The following LAMA2 variants were observed in gnomAD, a reference collection of about 807,000 sequenced individuals.
LAMA2 encodes laminin subunit alpha 2.
A neutral mutation model predicts 364.8 loss-of-function variants in LAMA2; 269 were observed. The observed-to-expected ratio is 0.74, with a 90% CI of 0.67 to 0.82. The LOEUF is 0.82. LAMA2 is among the 40% of genes least tolerant of loss of function. LAMA2 has a pLI of 0.00. For missense variants in LAMA2, 3,807 were observed against 3,873.2 expected (o/e 0.98, Z 0.45); for synonymous variants, 1,379 against 1,370.6 (o/e 1.01, Z -0.14).
chr6:129,237,659 C>A (rs114611648), intron 12 of LAMA2, among the ~76,000 whole-genome samples: 93 of 152,062 alleles, frequency 6.1e-4, no homozygotes, highest in African/African-American at 2.1e-3. Context: ...TCACATGCAC[C>A]CTTATAACTG....
chr6:129,209,899 G>A (rs1782972156), intron 12 of LAMA2, among the ~76,000 whole-genome samples: 1 of 150,984 alleles, frequency 6.6e-6, no homozygotes, highest in Non-Finnish European at 1.5e-5. Flanking sequence ...AGCTACTCGG[G>A]AGGCTGAGGC....
intron 12 of LAMA2, among the ~76,000 whole-genome samples, chr6:129,240,120 C>T (rs1490902237): frequency 1.3e-5 from 2 of 152,206 alleles, no homozygotes; most frequent in African/African-American, 4.8e-5. Flanking sequence ...TGTTCAAGGG[C>T]AGGAAGCATC....
chr6:129,481,606 C>T (rs1784353568), intron 55 of LAMA2, among the ~76,000 whole-genome samples, 167 bp downstream of exon 55: 1 of 152,190 alleles, frequency 6.6e-6, no homozygotes, highest in African/African-American at 2.4e-5. Flanking sequence ...CTCACATCAT[C>T]TCCCCAGGAC....
intron 12 of LAMA2, among the ~76,000 whole-genome samples, chr6:129,238,005 A>AC (rs1785114129): frequency 6.8e-6 from 1 of 148,122 alleles, no homozygotes; most frequent in Non-Finnish European, 1.5e-5. Context: ...TAAAAATACA[A>AC]AAAAAAAAAA....
At position 129,473,259 on chromosome 6, in the gene LAMA2, T is replaced by C. The variant is rs1156828795; in HGVS notation, c.7346T>C (p.Ile2449Thr). 6 of 1,607,626 alleles carry C rather than the reference T, an allele frequency of 3.7e-6. No individual in the cohort carries two copies. The highest frequency in any genetic ancestry group is 5.1e-6 in the Non-Finnish European group (6 of 1,174,734). Residue 2449 changes from isoleucine (I) to threonine (T), a missense_variant, in exon 52 of 65, where the codon ATA (isoleucine) becomes ACA (threonine). Transcript: ENST00000421865. ...ATAGATACTAATCAGGAGGAGAATA[T>C]AGCAACTTCGTCTTCTGGAAACAAC... is the stretch of plus-strand genomic sequence containing the variant. ...VDIDTNQEEN[I>T]ATSSSGNNFG...
At chr6:129,308,545 C>G (rs1774018912) in intron 22 of LAMA2, among the ~76,000 whole-genome samples, 1 of 151,934 alleles carries the variant, frequency 6.6e-6, no homozygotes, top group East Asian at 1.9e-4. Context: ...ACTCTGTTGA[C>G]TAAAGTTGAC....
At chr6:129,129,827 G>A (rs1163431758) in intron 4 of LAMA2, among the ~76,000 whole-genome samples, 2 of 149,900 alleles carry the variant, frequency 1.3e-5, no homozygotes, top group African/African-American at 4.9e-5. Context: ...GGGAGGCTGA[G>A]GCAGGAGAAT....
At chr6:128,931,677 T>G (rs1405869092) in intron 1 of LAMA2, among the ~76,000 whole-genome samples, 1 of 152,200 alleles carries the variant, frequency 6.6e-6, no homozygotes, top group Non-Finnish European at 1.5e-5. Flanking sequence ...CTAGTCATAG[T>G]CTTTCAAATA....
intron 1 of LAMA2, among the ~76,000 whole-genome samples, chr6:128,941,724 G>A (rs903959512): frequency 1.3e-5 from 2 of 152,144 alleles, no homozygotes; most frequent in Non-Finnish European, 2.9e-5. Context: ...ATATGATGAT[G>A]ATTTTCATTA....
intron 1 of LAMA2, among the ~76,000 whole-genome samples, chr6:129,039,119 C>A (rs150147627): frequency 6.6e-6 from 1 of 151,690 alleles, no homozygotes; most frequent in South Asian, 2.1e-4. Flanking sequence ...TGAGAGCCAC[C>A]GTAAAAAATA....
At chr6:129,222,904 T>C (rs1783966255) in intron 12 of LAMA2, among the ~76,000 whole-genome samples, 1 of 152,332 alleles carries the variant, frequency 6.6e-6, no homozygotes, top group African/African-American at 2.4e-5. Flanking sequence ...TCTAGATCCT[T>C]GAGGAATCGC....
chr6:129,273,049 A>T (rs1481805846), intron 17 of LAMA2, among the ~76,000 whole-genome samples: 1 of 152,188 alleles, frequency 6.6e-6, no homozygotes, highest in Non-Finnish European at 1.5e-5. Context: ...AAAACTGAAG[A>T]TTCTTTAACA....
intron 40 of LAMA2, among the ~76,000 whole-genome samples, chr6:129,416,429 A>G (rs550339749): frequency 6.6e-6 from 1 of 151,348 alleles, no homozygotes; most frequent in African/African-American, 2.4e-5. Context: ...TGCTTTCTCC[A>G]TGGGAAAGAT....
At chr6:129,477,673 AAAAAAT>A (rs1317734379) in intron 53 of LAMA2, among the ~76,000 whole-genome samples, 1 of 151,354 alleles carries the variant, frequency 6.6e-6, no homozygotes, top group East Asian at 1.9e-4. Flanking sequence ...AATTTTATTG[AAAAAAT>A]AAAATGTATG....
At chr6:129,044,181 TATATATATACACAC>T (rs1436715829) in intron 1 of LAMA2, among the ~76,000 whole-genome samples, 4 of 132,134 alleles carry the variant, frequency 3.0e-5, no homozygotes, top group African/African-American at 1.3e-4. Context: ...TGTGTATATA[TATATATATACACAC>T]ACATATACAT....
At chr6:129,250,078 A>G (rs775398131) in intron 12 of LAMA2, 34 bp from the exon 13 acceptor site, 7 of 1,236,946 alleles carry the variant, frequency 5.7e-6, no homozygotes, top group Non-Finnish European at 8.4e-6. Context: ...CCCATCTCCT[A>G]TCCCGTAATG....
chr6:129,416,239 C>T (rs199511740), intron 40 of LAMA2, among the ~76,000 whole-genome samples: 22 of 48,188 alleles, frequency 4.6e-4, no homozygotes, highest in South Asian at 7.0e-4. Context: ...CGCGCCCGGC[C>T]GAAATTATAC....
intron 22 of LAMA2, among the ~76,000 whole-genome samples, chr6:129,312,016 T>C (rs186771746): frequency 8.3e-4 from 119 of 142,992 alleles, no homozygotes; most frequent in African/African-American, 3.5e-3. Context: ...TTAAGAATTA[T>C]AGATGATCCT....
intron 9 of LAMA2, among the ~76,000 whole-genome samples, chr6:129,172,779 T>C (rs374543931): frequency 1.1e-4 from 17 of 152,286 alleles, no homozygotes; most frequent in Middle Eastern, 3.4e-3. Flanking sequence ...GCCTCGCTGC[T>C]GCCTTGCAGT....
Sources: gnomAD v4.1 joint callset for allele counts (sites outside exome capture counted in the v4.1 genomes callset) on GRCh38, gnomAD v4.1.1 for gene constraint, MANE v1.5 for transcripts, NCBI Gene and HGNC (gene_info 2026-07-23, HGNC 2026-07-21) for gene names.